LAMB1: variants seen among roughly 807,000 people sequenced by gnomAD.
The protein encoded by LAMB1 is laminin subunit beta-1.
A neutral mutation model predicts 222.3 loss-of-function variants in LAMB1; 121 were observed. The ratio of observed to expected loss-of-function variants is 0.54; its 90% confidence interval spans 0.47 to 0.63. LAMB1 has a LOEUF of 0.63. LAMB1 is among the 30% of genes least tolerant of loss of function. The pLI is 0.00. For missense variants in LAMB1, 2,172 were observed against 2,240.8 expected (o/e 0.97, Z 0.62); for synonymous variants, 794 against 807.2 (o/e 0.98, Z 0.28).
chr7:107,940,416 A>G, intron 24 of LAMB1, 58 bp from the exon 25 acceptor site: 2 of 1,544,572 alleles, frequency 1.3e-6, no homozygotes, highest in Non-Finnish European at 1.8e-6. Flanking sequence ...CAGTGACAAG[A>G]TGTGGCATTT....
At chr7:107,924,539 G>C in intron 32 of LAMB1, 150 bp from the exon 33 acceptor site, 1 of 590,964 alleles carries the variant, frequency 1.7e-6, no homozygotes, top group Non-Finnish European at 2.7e-6. Flanking sequence ...TCTTCAAACA[G>C]TGGAATTGAA....
At position 107,929,396 on chromosome 7, in the gene LAMB1, C is replaced by T. The variant is rs1434192263; in HGVS notation, c.4745+16G>A. The T allele has an allele frequency of 1.2e-6, 2 of 1,607,442 alleles. No individual in the cohort carries two copies. The highest frequency in any genetic ancestry group is 1.7e-5 in the Admixed American group (1 of 59,986). On this transcript the variant is annotated intron_variant, in intron 30 of 33. Transcript: ENST00000222399. ...ATACACAAAATAAGCCCCTTAGATGCCATGTCTTTAGATACCTTGCTCTTT... is the reference window on the plus strand; with the variant it reads ...ATACACAAAATAAGCCCCTTAGATGTCATGTCTTTAGATACCTTGCTCTTT...
chr7:107,964,471 A>G (rs2033583190), intron 14 of LAMB1, 81 bp downstream of exon 14: 1 of 1,525,718 alleles, frequency 6.6e-7, no homozygotes, highest in African/African-American at 1.4e-5. Flanking sequence ...TGCTTCTGAA[A>G]TGGGGTCTTT....
intron 14 of LAMB1, 135 bp downstream of exon 14, chr7:107,964,417 T>C (rs1335668137): frequency 1.8e-5 from 18 of 1,018,640 alleles, no homozygotes; most frequent in South Asian, 1.3e-4. Flanking sequence ...CAGGAAGGCA[T>C]GGTCCTGATC....
intron 5 of LAMB1, among the ~76,000 whole-genome samples, chr7:107,992,346 T>G (rs952399419): frequency 4.6e-5 from 7 of 152,244 alleles, no homozygotes; most frequent in Admixed American, 3.3e-4. Context: ...CTGTAAGTTA[T>G]TTGCAAGTAT....
intron 9 of LAMB1, among the ~76,000 whole-genome samples, chr7:107,976,250 A>G (rs1335256009): frequency 6.6e-6 from 1 of 152,160 alleles, no homozygotes; most frequent in Non-Finnish European, 1.5e-5. Context: ...AGAACACTGT[A>G]GCGAGGGACC....
chr7:107,937,305 C>T lies in LAMB1; in HGVS notation c.3762-28G>A, dbSNP rs145641011. 148 of 1,585,840 alleles carry T rather than the reference C, an allele frequency of 9.3e-5. 1 individual carries two copies. The East Asian group carries it at 2.4e-3, about 25-fold the overall frequency. Reference sequence around the variant, plus strand: ...GTAAAGAGAAAGTTAAGCTTACTTACATAAAATAAACCCAAGGGAGAACTT... The same window carrying T: ...GTAAAGAGAAAGTTAAGCTTACTTATATAAAATAAACCCAAGGGAGAACTT... On this transcript the variant is annotated intron_variant, in intron 25 of 33. Coordinates refer to ENST00000222399, the MANE Select transcript of LAMB1 (RefSeq NM_002291.3).
chr7:107,928,648 A>G (rs2032626732), intron 31 of LAMB1, among the ~76,000 whole-genome samples: 2 of 152,152 alleles, frequency 1.3e-5, no homozygotes, highest in Admixed American at 1.3e-4. Context: ...ACACACCACT[A>G]TGCCCAGCTA....
intron 7 of LAMB1, among the ~76,000 whole-genome samples, chr7:107,984,643 G>A (rs2034039668): frequency 6.6e-6 from 1 of 152,176 alleles, no homozygotes. Context: ...CTCTAACCAT[G>A]TGAATAAACC....
At chr7:107,924,109 TA>T (rs1438855471) in intron 33 of LAMB1, 22 bp from the exon 34 acceptor site, 3 of 1,527,228 alleles carry the variant, frequency 2.0e-6, no homozygotes, top group Non-Finnish European at 1.7e-6. Context: ...TATATATATA[TA>T]AAGTCTGAGC....
At chr7:107,949,028 T>C (rs1187932671) in intron 24 of LAMB1, among the ~76,000 whole-genome samples, 3 of 152,244 alleles carry the variant, frequency 2.0e-5, no homozygotes, top group Non-Finnish European at 4.4e-5. Context: ...ATCGGTTGTT[T>C]GCTTTTCCTG....
chr7:108,002,269 C>G (rs1287566900), intron 2 of LAMB1: 1 of 1,310,148 alleles, frequency 7.6e-7, no homozygotes, highest in Non-Finnish European at 1.0e-6. Flanking sequence ...GACGAGGCGC[C>G]GGGGCTCGCG....
At chr7:107,970,488 CAA>C (rs78303178) in intron 13 of LAMB1, among the ~76,000 whole-genome samples, 17 of 43,120 alleles carry the variant, frequency 3.9e-4, no homozygotes, top group African/African-American at 5.4e-4. Flanking sequence ...AACTCTGTCT[CAA>C]AAAAAAAAAA....
rs1293018841 is a variant in LAMB1, at chr7:107,929,460, G to A, written c.4697C>T (p.Ala1566Val). 4 of 1,614,020 alleles carry A rather than the reference G, an allele frequency of 2.5e-6. No individual in the cohort carries two copies. The highest frequency in any genetic ancestry group is 1.7e-5 in the Admixed American group (1 of 59,998). Residue 1566 changes from alanine (A) to valine (V), a missense_variant, in exon 30 of 34, where the codon GCT becomes GTT. By Grantham distance (64) the Ala-to-Val change is moderately conservative. Transcript: ENST00000222399. ...CAACATCTCAGCTCTGGCAATGTCA[G>A]CAGCACTATGCTGAAGAATAACCTC... Reference protein sequence around the residue: ...QVEVILQHSAADIARAEMLLE... With the variant: ...QVEVILQHSAVDIARAEMLLE...
At chr7:107,937,882 A>T (rs994366779) in intron 25 of LAMB1, among the ~76,000 whole-genome samples, 1 of 151,658 alleles carries the variant, frequency 6.6e-6, no homozygotes, top group African/African-American at 2.4e-5. Flanking sequence ...TGAAATAAGA[A>T]GATTTAGCTT....
At position 107,963,052 on chromosome 7, in the gene LAMB1, T is replaced by C. The variant is rs780968339; in HGVS notation, c.1710A>G (p.Ile570Met). ...GGTCCTGGATATATTGCCGCTCCAC[T>C]ATGCTAACCCCCTGAGGGCATGGCA... is the stretch of plus-strand genomic sequence containing the variant. ...EEANLGPGVS[I>M]VERQYIQDRI... The change falls in exon 15 of 34, where the codon ATA (isoleucine) becomes ATG (methionine). Residue 570 changes from isoleucine (I) to methionine (M), a missense_variant. Transcript: ENST00000222399. 14 of 1,612,628 alleles carry C rather than the reference T, an allele frequency of 8.7e-6. No homozygotes were observed. The highest frequency in any genetic ancestry group is 1.7e-5 in the Admixed American group (1 of 59,660).
Position 107,959,790 on chromosome 7 carries a change from G to C in LAMB1, c.2359C>G (p.Pro787Ala), listed in dbSNP as rs2033457655. The C allele has an allele frequency of 2.5e-6, 4 of 1,613,854 alleles. No homozygotes were observed. In the African/African-American group the frequency reaches 4.0e-5, roughly 16 times the overall value. ...PQGSLSSVCD[P>A]NGGQCQCRPN... ...CGGCACTGGCACTGGCCTCCGTTGGGATCACACACGGAACTTAACGAACCC... is the reference window on the plus strand; with the variant it reads ...CGGCACTGGCACTGGCCTCCGTTGGCATCACACACGGAACTTAACGAACCC... Residue 787 changes from proline (P) to alanine (A), a missense_variant, in exon 19 of 34, where the codon CCC becomes GCC. By Grantham distance (27) the Pro-to-Ala change is conservative. Transcript: ENST00000222399.
At chr7:107,957,215 C>T (rs2033396189) in intron 20 of LAMB1, among the ~76,000 whole-genome samples, 1 of 152,112 alleles carries the variant, frequency 6.6e-6, no homozygotes, top group Non-Finnish European at 1.5e-5. Context: ...CATGGTGAAA[C>T]CCCATCTCCC....
At position 107,952,208 on chromosome 7, in the gene LAMB1, T is replaced by A; in HGVS notation, c.3095A>T (p.Tyr1032Phe). The A allele has an allele frequency of 3.1e-6, 5 of 1,603,466 alleles. No homozygotes were observed. Among genetic ancestry groups the A allele is most frequent in the Non-Finnish European group, 4.3e-6 (5 of 1,171,378 alleles). The part of the protein sequence containing the change: ...QQDCRKCVCN[Y>F]LGTVQEHCNG... The stretch of plus-strand genomic sequence containing the variant: ...ACAGTGCTCTTGCACGGTGCCCAGG[T>A]AATTACAGACACACTCTGCAAAAGA... Residue 1032 changes from tyrosine (Y) to phenylalanine (F), a missense_variant, in exon 23 of 34, where the codon TAC becomes TTC. Coordinates refer to ENST00000222399, the MANE Select transcript of LAMB1 (RefSeq NM_002291.3).
Sources: allele counts gnomAD v4.1 joint callset (sites outside exome capture counted in the v4.1 genomes callset), GRCh38; gene constraint gnomAD v4.1.1; transcripts MANE v1.5; gene names NCBI Gene and HGNC (gene_info 2026-07-23, HGNC 2026-07-21).